HEATR4: variants seen among roughly 807,000 people sequenced by gnomAD.
HEATR4 encodes HEAT repeat-containing protein 4.
A neutral mutation model predicts 108.8 loss-of-function variants in HEATR4; 95 were observed. The ratio of observed to expected loss-of-function variants is 0.87; its 90% CI spans 0.74 to 1.04. HEATR4 has a LOEUF of 1.04. Ranked by LOEUF, HEATR4 falls within the 50% of genes least tolerant of loss-of-function variation. The pLI is 0.00. For missense variants in HEATR4, 1,152 were observed against 1,253.8 expected (o/e 0.92, Z 1.23); for synonymous variants, 443 against 459.4 (o/e 0.96, Z 0.46).
In HEATR4 at chr14:73,492,580, A is replaced by G. The variant is rs774998626; in HGVS notation, c.2844+486T>C. The G allele has an allele frequency of 5.0e-6, 8 of 1,613,920 alleles. No homozygotes were observed. The highest frequency in any genetic ancestry group is 6.8e-6 in the Non-Finnish European group (8 of 1,179,852). On this transcript the variant is annotated intron_variant, in intron 17 of 17. Transcript: ENST00000553558. The surrounding 1 kb of genome is among the most constrained non-coding windows in gnomAD (Gnocchi z 4.9). ...TTTTGACTGATAGGGAGAGGGCACT[A>G]AGTGTTTACGGGCTTCCAATTCGCT...
chr14:73,616,965 C>A, the HEATR4 span: 1 of 629,430 alleles, frequency 1.6e-6, no homozygotes, highest in South Asian at 2.0e-5. Context: ...AACTAAAGCT[C>A]CCTGTGATTT....
Position 73,495,329 on chromosome 14 carries a change from A to G in HEATR4, c.2684T>C (p.Val895Ala), listed in dbSNP as rs774446122. The G allele has an allele frequency of 1.9e-6, 3 of 1,613,926 alleles. No homozygotes were observed. The highest frequency in any genetic ancestry group is 1.7e-5 in the Admixed American group (1 of 59,994). Reference protein sequence around the residue: ...LTHKILKLEMVMGKVREEAKR... With the variant: ...LTHKILKLEMAMGKVREEAKR... ...TGCTTCCTCCCTCACTTTTCCCATG[A>G]CCATCTCCAGCTTGAGTATTTTGTG... The change falls in exon 16 of 18, where the codon GTC becomes GCC. Residue 895 changes from valine (V) to alanine (A), a missense_variant. Coordinates refer to ENST00000553558, the MANE Select transcript of HEATR4 (RefSeq NM_001220484.1).
In HEATR4 at chr14:73,522,234, G is replaced by T. The variant is rs1056368944; in HGVS notation, c.881+38C>A. ...TGGGAGTCCCTAAAGGGGAGTCAGG[G>T]ATTATCAAAGGTGCACTTGAGGCCC... On this transcript the variant is annotated intron_variant, in intron 3 of 17. Transcript: ENST00000553558. 1.9e-6 allele frequency: 3 copies of T among 1,586,724 alleles called. No individual in the cohort carries two copies. In the Admixed American group the frequency reaches 5.2e-5, roughly 27 times the overall value.
the HEATR4 span, chr14:73,567,983 C>A: frequency 6.6e-6 from 1 of 152,142 alleles, no homozygotes; most frequent in African/African-American, 2.4e-5. Context: ...AGAACTGTAA[C>A]AGTCACTGCG....
chr14:73,507,998 G>T, intron 9 of HEATR4, 136 bp downstream of exon 9: 1 of 768,096 alleles, frequency 1.3e-6, no homozygotes, highest in African/African-American at 1.7e-5. Context: ...CACCTGCCTC[G>T]GCCTCCCGAA....
the HEATR4 span, chr14:73,569,979 C>G: frequency 3.2e-5 from 46 of 1,440,250 alleles, no homozygotes; most frequent in Middle Eastern, 2.2e-4. Flanking sequence ...TGCCCCCCCG[C>G]CGCGCCCCCG....
the HEATR4 span, chr14:73,612,530 G>A: frequency 8.2e-7 from 1 of 1,215,306 alleles, no homozygotes. Context: ...CCCGCCCACT[G>A]ACTCCGCGGA....
At chr14:73,628,162 GC>G in the HEATR4 span, among the ~76,000 whole-genome samples, 1 of 152,046 alleles carries the variant, frequency 6.6e-6, no homozygotes, top group Non-Finnish European at 1.5e-5. Flanking sequence ...CCATACTGAA[GC>G]TACCTAGGGG....
At chr14:73,619,457 C>T in the HEATR4 span, 1 of 1,614,222 alleles carries the variant, frequency 6.2e-7, no homozygotes, top group South Asian at 1.1e-5. Context: ...TTTATGGACA[C>T]TTGGAGCAAT....
intron 6 of HEATR4, 144 bp downstream of exon 6, chr14:73,513,887 G>A (rs1887426375): frequency 4.1e-6 from 3 of 734,412 alleles, no homozygotes; most frequent in Middle Eastern, 2.6e-4. Flanking sequence ...ATGTGTGAAA[G>A]GCTCTTGTCT....
At chr14:73,599,911 C>T in the HEATR4 span, among the ~76,000 whole-genome samples, 1 of 152,166 alleles carries the variant, frequency 6.6e-6, no homozygotes. Context: ...TACCCTCTCC[C>T]CCAAAAATCT....
chr14:73,601,408 A>C, the HEATR4 span, among the ~76,000 whole-genome samples: 1 of 152,108 alleles, frequency 6.6e-6, no homozygotes, highest in Non-Finnish European at 1.5e-5. Context: ...TACTAAAAAT[A>C]CAAAAATTAG....
the HEATR4 span, among the ~76,000 whole-genome samples, chr14:73,620,415 C>T: frequency 1.3e-5 from 2 of 152,204 alleles, no homozygotes; most frequent in Non-Finnish European, 2.9e-5. Context: ...GCTTTCCCAA[C>T]TCAGTTGCTG....
intron 1 of HEATR4, among the ~76,000 whole-genome samples, chr14:73,535,475 T>C (rs74613803): frequency 1.7e-4 from 2 of 11,670 alleles, no homozygotes; most frequent in African/African-American, 1.1e-3. Flanking sequence ...CTTTCTTTTT[T>C]TTTTTTTTTT....
the HEATR4 span, chr14:73,569,426 G>C: frequency 1.9e-6 from 3 of 1,613,826 alleles, no homozygotes; most frequent in Non-Finnish European, 2.5e-6. Flanking sequence ...TTCCTGCTCG[G>C]ATGGCGGCGA....
At chr14:73,506,815 T>TTTTGTTTTTTTTTTTG (rs1339254856) in intron 9 of HEATR4, among the ~76,000 whole-genome samples, 3 of 135,534 alleles carry the variant, frequency 2.2e-5, no homozygotes, top group Non-Finnish European at 4.5e-5. Context: ...TTTTTTTTTT[T>TTTTGTTTTTTTTTTTG]TTTTTTTTTT....
rs1294385061 is a variant in HEATR4 at position 73,555,889 on chromosome 14, C to T, written c.-152+2862G>A. The stretch of plus-strand genomic sequence containing the variant: ...GCATGGTGGCACACACCTGTAATCC[C>T]AGCTACTTGGGAGGCTGAGGCAGGA... On this transcript the variant is annotated intron_variant, in intron 1 of 17. Coordinates refer to ENST00000553558, the MANE Select transcript of HEATR4 (RefSeq NM_001220484.1). Among the ~76,000 whole-genome samples, 2 of 112,578 alleles carry T rather than the reference C, an allele frequency of 1.8e-5. 1 individual carries two copies. Among genetic ancestry groups the T allele is most frequent in the South Asian group, 5.6e-4 (2 of 3,562 alleles). 73.9% of individuals were successfully genotyped at this position (112,578 alleles called of 152,430 possible).
the HEATR4 span, chr14:73,619,916 T>TCA: frequency 8.5e-6 from 12 of 1,406,964 alleles, no homozygotes; most frequent in South Asian, 1.5e-5. Flanking sequence ...TTCTTTCTTT[T>TCA]CTCTTTTTTT....
the HEATR4 span, among the ~76,000 whole-genome samples, chr14:73,600,605 CCA>C: frequency 6.6e-6 from 1 of 151,932 alleles, no homozygotes; most frequent in Non-Finnish European, 1.5e-5. Flanking sequence ...GCACCCACCA[CCA>C]CACCCGGCTA....
Sources: allele counts gnomAD v4.1 joint callset (sites outside exome capture counted in the v4.1 genomes callset), GRCh38; gene constraint gnomAD v4.1.1; non-coding constraint Gnocchi (gnomAD v3.1); transcripts MANE v1.5; gene names NCBI Gene and HGNC (gene_info 2026-07-23, HGNC 2026-07-21).